LIG3: variants seen among roughly 807,000 people sequenced by gnomAD.
The protein encoded by LIG3 is DNA ligase 3.
In LIG3, 58 loss-of-function variants were observed where a neutral mutation model predicts 110.9. The ratio of observed to expected loss-of-function variants is 0.52; its 90% confidence interval spans 0.42 to 0.65. LIG3 has a LOEUF of 0.65. LIG3 is among the 30% of genes least tolerant of loss of function. The pLI, the probability that LIG3 is intolerant of heterozygous loss-of-function variation, is 0.00. For missense variants in LIG3, 1,094 were observed against 1,273.8 expected (o/e 0.86, Z 2.15); for synonymous variants, 422 against 472.8 (o/e 0.89, Z 1.39).
At chr17:35,000,335 C>T (rs2090826405) in intron 16 of LIG3, among the ~76,000 whole-genome samples, 1 of 151,982 alleles carries the variant, frequency 6.6e-6, no homozygotes, top group Non-Finnish European at 1.5e-5. Context: ...CTCAGCTCAC[C>T]ACAACCTCCG....
At position 34,990,959 on chromosome 17, in the gene LIG3, C is replaced by A. The variant is rs2090713313; in HGVS notation, c.890-4C>A. ...TTCTCAAGAAGGGTTCCTTCTGTCTCCAGATGGTTTCCACGGTGATGTGTA... is the reference window on the plus strand; with the variant it reads ...TTCTCAAGAAGGGTTCCTTCTGTCTACAGATGGTTTCCACGGTGATGTGTA... On this transcript the variant is annotated splice_polypyrimidine_tract_variant and splice_region_variant and intron_variant, in intron 4 of 19. Coordinates refer to ENST00000378526, the MANE Select transcript of LIG3 (RefSeq NM_013975.4). The A allele has an allele frequency of 6.2e-7, 1 of 1,613,558 alleles. No individual in the cohort carries two copies. The highest frequency in any genetic ancestry group is 8.5e-7 in the Non-Finnish European group (1 of 1,179,652).
Position 35,007,670 on chromosome 17 carries a change from C to T in LIG3, c.*3164C>T, listed in dbSNP as rs1314859638. 1 of 152,174 alleles carries T rather than the reference C, an allele frequency of 6.6e-6. No homozygotes were observed. Among genetic ancestry groups the T allele is most frequent in the Non-Finnish European group, 1.5e-5 (1 of 68,080 alleles). 9.4% of individuals were successfully genotyped at this position (152,174 alleles called of 1,614,324 possible). On this transcript the variant is annotated 3_prime_UTR_variant, in exon 20 of 20. Coordinates refer to ENST00000378526, the MANE Select transcript of LIG3 (RefSeq NM_013975.4). ...AGTAGTCTTTTCCCTGCTCCTTGGG[C>T]GCCTGGTCAGGGAGGTTTGTACAAG...
Position 34,986,087 on chromosome 17 carries a change from C to T in LIG3, c.647C>T (p.Ser216Leu), listed in dbSNP as rs1196375762. The T allele has an allele frequency of 1.2e-6, 2 of 1,614,164 alleles. No individual in the cohort carries two copies. The highest frequency in any genetic ancestry group is 1.7e-6 in the Non-Finnish European group (2 of 1,180,018). ...GQVTSPVKGA[S>L]FVTSTNPRKF... ...GTGACTTCTCCAGTGAAAGGCGCCT[C>T]ATTTGTCACCAGTACCAATCCCCGG... Residue 216 changes from serine to leucine, a missense_variant, in exon 3 of 20, where the codon TCA (serine) becomes TTA (leucine). Ser to Leu is a moderately radical substitution (Grantham distance 145). Transcript: ENST00000378526.
chr17:35,000,565 T>A (rs547062825), intron 16 of LIG3, among the ~76,000 whole-genome samples: 2 of 151,242 alleles, frequency 1.3e-5, no homozygotes, highest in South Asian at 2.1e-4. Flanking sequence ...GCCGCCTTTT[T>A]GGTTTTAATT....
rs1039837606 is a variant in LIG3 at position 35,005,842 on chromosome 17, A to C, written c.*1336A>C. On this transcript the variant is annotated 3_prime_UTR_variant, in exon 20 of 20. Coordinates refer to ENST00000378526, the MANE Select transcript of LIG3 (RefSeq NM_013975.4). ...CAATATGAAATGTGGGAAAGAATGA[A>C]GAGCAGCAGTAAAAGAAATACCTAG... 9.5e-6 allele frequency: 4 copies of C among 422,584 alleles called. No individual in the cohort carries two copies. The highest frequency in any genetic ancestry group is 1.9e-5 in the Non-Finnish European group (4 of 213,840). The allele number at this position is 422,584 out of a possible 1,614,324, so 26.2% of individuals were successfully genotyped here. A position where few individuals can be genotyped will look rare whatever the true frequency, so the allele number is the denominator to read the frequency against.
rs2090756172 is a variant in LIG3 at position 34,994,320 on chromosome 17, C to G, written c.1500C>G (p.Pro500=). The G allele has an allele frequency of 6.2e-7, 1 of 1,614,058 alleles. No individual in the cohort carries two copies. The highest frequency in any genetic ancestry group is 1.3e-5 in the African/African-American group (1 of 75,058). ...TTGAGTATGCAATGAAGAAATGTCCCAATGGCATGTTCTCTGAGATCAAGT... is the reference window on the plus strand; with the variant it reads ...TTGAGTATGCAATGAAGAAATGTCCGAATGGCATGTTCTCTGAGATCAAGT... ...KSVEYAMKKC[P]NGMFSEIKYD... is the part of the protein sequence containing the mutation. Residue 500 remains proline, a synonymous_variant, in exon 9 of 20, where the codon CCC becomes CCG. Coordinates refer to ENST00000378526, the MANE Select transcript of LIG3 (RefSeq NM_013975.4).
At chr17:34,986,710 A>G (rs3135967) in intron 3 of LIG3, among the ~76,000 whole-genome samples, 57,315 of 152,112 alleles carry the variant, frequency 0.38, 12,461 homozygotes, top group Non-Finnish European at 0.48. Flanking sequence ...TCCCCTTGAA[A>G]TAGTTACCTG....
chr17:34,995,417 C>G (rs2090767890), intron 9 of LIG3, among the ~76,000 whole-genome samples: 1 of 152,178 alleles, frequency 6.6e-6, no homozygotes. Flanking sequence ...GCACACTTTT[C>G]CAGATTTAGT....
Position 34,989,497 on chromosome 17 carries a change from G to A in LIG3, c.723G>A (p.Ser241=), listed in dbSNP as rs775655191. The part of the protein sequence containing the change: ...AKPNNSGEAP[S]SPTPKRSLSS... ...CCAACAACTCTGGGGAAGCCCCCTCGAGCCCCACCCCTAAGAGAAGTCTGT... is the reference window on the plus strand; with the variant it reads ...CCAACAACTCTGGGGAAGCCCCCTCAAGCCCCACCCCTAAGAGAAGTCTGT... The change falls in exon 4 of 20, where the codon TCG becomes TCA. Residue 241 remains serine, a synonymous_variant. Transcript: ENST00000378526. 3.2e-5 allele frequency: 51 copies of A among 1,613,686 alleles called. No individual in the cohort carries two copies. The Middle Eastern group carries it at 1.6e-3, about 52-fold the overall frequency.
intron 16 of LIG3, among the ~76,000 whole-genome samples, 163 bp downstream of exon 16, chr17:35,000,019 A>T (rs1223281291): frequency 6.6e-6 from 1 of 152,192 alleles, no homozygotes; most frequent in East Asian, 1.9e-4. Flanking sequence ...AACTCTGAGG[A>T]ATTTTGAATA....
intron 19 of LIG3, chr17:35,003,012 G>A: frequency 6.2e-7 from 1 of 1,614,212 alleles, no homozygotes; most frequent in Non-Finnish European, 8.5e-7. Flanking sequence ...CAGCCAGTGA[G>A]CAGAGAGGAA....
chr17:34,993,812 C>A (rs981699396), intron 8 of LIG3, among the ~76,000 whole-genome samples: 1 of 152,090 alleles, frequency 6.6e-6, no homozygotes, highest in African/African-American at 2.4e-5. Flanking sequence ...AGTAGGTGCT[C>A]CAATATCTGG....
Position 34,980,537 on chromosome 17 carries a change from C to G in LIG3, c.-90C>G, listed in dbSNP as rs1392807486. The G allele has an allele frequency of 7.8e-7, 1 of 1,285,822 alleles. No individual in the cohort carries two copies. Among genetic ancestry groups the G allele is most frequent in the Non-Finnish European group, 1.0e-6 (1 of 986,500 alleles). 79.7% of individuals were successfully genotyped at this position (1,285,822 alleles called of 1,614,324 possible). A position where few individuals can be genotyped will look rare whatever the true frequency, so the allele number is the denominator to read the frequency against. On this transcript the variant is annotated 5_prime_UTR_variant, in exon 1 of 20. Transcript: ENST00000378526. Reference sequence around the variant, plus strand: ...GCTCTAGGACCCGGATTTAAAGAGACAGGCGCTCCAACCGTCGTGGGCTGC... The same window carrying G: ...GCTCTAGGACCCGGATTTAAAGAGAGAGGCGCTCCAACCGTCGTGGGCTGC...
At chr17:35,009,925 G>A (rs889071607), downstream of LIG3, 2 of 152,644 alleles carry the variant, frequency 1.3e-5, no homozygotes, top group East Asian at 3.9e-4. Flanking sequence ...GGTAGGCATT[G>A]TAAACTATAG....
At chr17:35,003,229 C>T (rs1444500874) in intron 19 of LIG3, 2 of 1,374,504 alleles carry the variant, frequency 1.5e-6, no homozygotes, top group African/African-American at 2.9e-5. Context: ...CTTGGTGACT[C>T]TCCTCCCACC....
chr17:34,992,723 A>G, intron 8 of LIG3, 31 bp downstream of exon 8: 8 of 1,530,760 alleles, frequency 5.2e-6, no homozygotes, highest in Non-Finnish European at 7.0e-6. Flanking sequence ...TCTGCTTTCC[A>G]GCCTCTCCAA....
intron 9 of LIG3, among the ~76,000 whole-genome samples, chr17:34,995,336 A>G (rs939489894): frequency 2.6e-5 from 4 of 152,204 alleles, no homozygotes; most frequent in Non-Finnish European, 5.9e-5. Context: ...AGCACTGCAA[A>G]TCACTCAGGA....
At position 34,991,750 on chromosome 17, in the gene LIG3, T is replaced by G. The variant is rs1238750715; in HGVS notation, c.1121T>G (p.Ile374Ser). Residue 374 changes from isoleucine (I) to serine (S), a missense_variant, in exon 6 of 20, where the codon ATC (isoleucine) becomes AGC (serine). Coordinates refer to ENST00000378526, the MANE Select transcript of LIG3 (RefSeq NM_013975.4). ...FPPAAKSLLT[I>S]QEVDEFLLRL... The stretch of plus-strand genomic sequence containing the variant: ...CCAGCTGCCAAGAGCCTCCTTACCA[T>G]CCAGGAAGTGGATGAGTTCCTTCTG... 1 of 1,613,944 alleles carries G rather than the reference T, an allele frequency of 6.2e-7. No individual in the cohort carries two copies. The highest frequency in any genetic ancestry group is 1.3e-5 in the African/African-American group (1 of 74,870).
rs3136034 is a variant in LIG3, at chr17:35,003,740, C to T, written c.2797-533C>T. 27 of 157,738 alleles carry T rather than the reference C, an allele frequency of 1.7e-4. No homozygotes were observed. In the South Asian group the frequency reaches 4.0e-3, roughly 23 times the overall value. 9.8% of individuals were successfully genotyped at this position (157,738 alleles called of 1,614,324 possible). A position where few individuals can be genotyped will look rare whatever the true frequency, so the allele number is the denominator to read the frequency against. ...TGACACCCATGTCATTGCGCCCCCACGCTCCCCACCGCCATCCAGGAGTAA... is the reference window on the plus strand; with the variant it reads ...TGACACCCATGTCATTGCGCCCCCATGCTCCCCACCGCCATCCAGGAGTAA... On this transcript the variant is annotated intron_variant, in intron 19 of 19. Coordinates refer to ENST00000378526, the MANE Select transcript of LIG3 (RefSeq NM_013975.4).
Sources: allele counts gnomAD v4.1 joint callset (sites outside exome capture counted in the v4.1 genomes callset), GRCh38; gene constraint gnomAD v4.1.1; transcripts MANE v1.5; gene names NCBI Gene and HGNC (gene_info 2026-07-23, HGNC 2026-07-21).